The following MUSK variants were observed in gnomAD, a reference collection of about 807,000 sequenced individuals.
MUSK encodes the protein muscle, skeletal receptor tyrosine-protein kinase.
MUSK carries 55 observed loss-of-function variants against 88.7 expected under a neutral mutation model. The ratio of observed to expected loss-of-function variants is 0.62; its 90% CI spans 0.50 to 0.78. The LOEUF (loss-of-function observed/expected upper bound fraction) is 0.78. Ranked by LOEUF, MUSK falls within the 30% of genes least tolerant of loss-of-function variation. The pLI is 0.00. For synonymous variants in MUSK, 387 were observed against 391.9 expected (o/e 0.99, Z 0.15); for missense variants, 1,015 against 1,074.3 (o/e 0.94, Z 0.77).
intron 4 of MUSK, among the ~76,000 whole-genome samples, chr9:110,696,989 A>G (rs1485058247): frequency 5.3e-5 from 8 of 150,356 alleles, no homozygotes; most frequent in Admixed American, 5.3e-4. Flanking sequence ...GCTTTTAATC[A>G]GATTTAGCTG....
chr9:110,750,346 C>A (rs2077232387), intron 7 of MUSK, among the ~76,000 whole-genome samples: 1 of 151,966 alleles, frequency 6.6e-6, no homozygotes, highest in South Asian at 2.1e-4. Flanking sequence ...TTCTGGACAC[C>A]CCCCACACCA....
At chr9:110,678,989 T>A (rs190300821) in intron 1 of MUSK, among the ~76,000 whole-genome samples, 236 of 152,246 alleles carry the variant, frequency 1.6e-3, no homozygotes, top group African/African-American at 5.2e-3. Flanking sequence ...TTGAGCTGGG[T>A]TAAAATCTCC....
intron 7 of MUSK, among the ~76,000 whole-genome samples, chr9:110,754,351 G>C (rs2077285005): frequency 6.6e-6 from 1 of 152,050 alleles, no homozygotes; most frequent in South Asian, 2.1e-4. Flanking sequence ...TAATATTGGT[G>C]GATATTTTAA....
intron 6 of MUSK, among the ~76,000 whole-genome samples, chr9:110,735,295 A>T (rs1044832864): frequency 6.6e-6 from 1 of 152,164 alleles, no homozygotes; most frequent in Admixed American, 6.6e-5. Flanking sequence ...TAACCAAGAT[A>T]TAGAATCAAA....
chr9:110,729,330 AAAAAAAAAAAAAAAGAAAAAAG>A (rs1377671662), intron 5 of MUSK, among the ~76,000 whole-genome samples: 6 of 143,790 alleles, frequency 4.2e-5, no homozygotes, highest in Non-Finnish European at 9.1e-5. Context: ...TTTCTGTAAA[AAAAAAAAAAAAAAAGAAAAAAG>A]AAAAAAAAAA....
intron 7 of MUSK, among the ~76,000 whole-genome samples, chr9:110,755,951 C>CGTATATATAT (rs1269355799): frequency 0.061 from 6,233 of 101,864 alleles, 733 homozygotes; most frequent in African/African-American, 0.22. Context: ...TATATATATA[C>CGTATATATAT]ACATATATAT....
At chr9:110,786,224 T>C (rs1160121687) in intron 13 of MUSK, among the ~76,000 whole-genome samples, 1 of 150,358 alleles carries the variant, frequency 6.7e-6, no homozygotes, top group Non-Finnish European at 1.5e-5. Context: ...GGCAGAAGAA[T>C]TGCTTGAAGC....
intron 9 of MUSK, among the ~76,000 whole-genome samples, chr9:110,768,626 A>G (rs962594338): frequency 2.6e-5 from 4 of 152,342 alleles, no homozygotes; most frequent in South Asian, 4.1e-4. Flanking sequence ...TACTCTTGTT[A>G]TTGTTCACAT....
intron 6 of MUSK, among the ~76,000 whole-genome samples, chr9:110,739,752 G>A (rs2077073902): frequency 6.6e-6 from 1 of 152,098 alleles, no homozygotes; most frequent in Non-Finnish European, 1.5e-5. Context: ...TGGTCCCATG[G>A]AGGATACTTT....
intron 6 of MUSK, among the ~76,000 whole-genome samples, chr9:110,747,241 GGTT>G (rs2077184492): frequency 6.6e-6 from 1 of 152,206 alleles, no homozygotes; most frequent in African/African-American, 2.4e-5. Flanking sequence ...TACCTTGGAT[GGTT>G]GTTGTTGGTT....
rs2076367995 is a variant in MUSK at position 110,692,327 on chromosome 9, T to C, written c.359-3076T>C. Among the ~76,000 whole-genome samples, 4 of 152,080 alleles carry C rather than the reference T, an allele frequency of 2.6e-5. 1 individual carries two copies. The South Asian group carries it at 8.3e-4, about 32-fold the overall frequency. On this transcript the variant is annotated intron_variant, in intron 3 of 14. Transcript: ENST00000374448. ...GGCATGAGCCACCATACCAGGCTAC[T>C]TTTATTTATTTATTTACTTTTTTTT...
intron 8 of MUSK, among the ~76,000 whole-genome samples, chr9:110,762,458 T>C (rs963877282): frequency 6.6e-6 from 1 of 152,236 alleles, no homozygotes; most frequent in Admixed American, 6.5e-5. Flanking sequence ...TAACCTCTAC[T>C]GAATACTTAC....
intron 1 of MUSK, among the ~76,000 whole-genome samples, chr9:110,670,971 CATTATT>C (rs141833203): frequency 0.023 from 3,414 of 151,544 alleles, 119 homozygotes; most frequent in African/African-American, 0.079. Flanking sequence ...TTATTATTTT[CATTATT>C]ATTATTATTA....
rs192834540 is a variant in MUSK at position 110,725,299 on chromosome 9, G to A, written c.629-8952G>A. On this transcript the variant is annotated intron_variant, in intron 5 of 14. Coordinates refer to ENST00000374448, the MANE Select transcript of MUSK (RefSeq NM_005592.4). ...TGAGGGATAAAAGACTACATATTACGTACAGTTTCATTCTTGTTAGGTGGA... is the reference window on the plus strand; with the variant it reads ...TGAGGGATAAAAGACTACATATTACATACAGTTTCATTCTTGTTAGGTGGA... Among the ~76,000 whole-genome samples, 8 of 152,072 alleles carry A rather than the reference G, an allele frequency of 5.3e-5. No homozygotes were observed. The East Asian group carries it at 1.2e-3, about 22-fold the overall frequency.
chr9:110,718,954 T>C (rs2076778079), intron 5 of MUSK, among the ~76,000 whole-genome samples: 1 of 152,032 alleles, frequency 6.6e-6, no homozygotes, highest in Admixed American at 6.6e-5. Flanking sequence ...AAAGCAATTA[T>C]CAGCCAAGAA....
At position 110,778,191 on chromosome 9, in the gene MUSK, C is replaced by T. The variant is rs73655627; in HGVS notation, c.1384+1536C>T. Among the ~76,000 whole-genome samples, 930 of 152,188 alleles carry T rather than the reference C, an allele frequency of 6.1e-3. 9 individuals carry two copies. The highest frequency in any genetic ancestry group is 0.022 in the African/African-American group (900 of 41,554). On this transcript the variant is annotated intron_variant, in intron 11 of 14. Transcript: ENST00000374448. ...TTGCATTATTTTCTTCTTCCTTGAG[C>T]ATAGGGACTAGAATTTCAGTAGTTT...
intron 8 of MUSK, among the ~76,000 whole-genome samples, chr9:110,764,331 A>G (rs558720333): frequency 6.6e-6 from 1 of 152,228 alleles, no homozygotes; most frequent in African/African-American, 2.4e-5. Context: ...GAAGACACCA[A>G]TGGAAATTAT....
Position 110,736,081 on chromosome 9 carries a change from T to C in MUSK, c.753+1706T>C, listed in dbSNP as rs1022977499. Among the ~76,000 whole-genome samples, 6 of 152,076 alleles carry C rather than the reference T, an allele frequency of 3.9e-5. No individual in the cohort carries two copies. In the South Asian group the frequency reaches 1.2e-3, roughly 31 times the overall value. On this transcript the variant is annotated intron_variant, in intron 6 of 14. Transcript: ENST00000374448. ...GGACAACTATACATAGTTCACGATATTGAACTACATAGCACAATACAATAT... is the reference window on the plus strand; with the variant it reads ...GGACAACTATACATAGTTCACGATACTGAACTACATAGCACAATACAATAT...
intron 1 of MUSK, among the ~76,000 whole-genome samples, chr9:110,669,294 T>C (rs1002907008): frequency 3.3e-5 from 5 of 152,192 alleles, no homozygotes; most frequent in South Asian, 2.1e-4. Context: ...TATGCGAATG[T>C]CAAATTTCAG....
Sources: gnomAD v4.1 joint callset for allele counts (sites outside exome capture counted in the v4.1 genomes callset) on GRCh38, gnomAD v4.1.1 for gene constraint, MANE v1.5 for transcripts, NCBI Gene and HGNC (gene_info 2026-07-23, HGNC 2026-07-21) for gene names.